ADAMTS14: variants seen among roughly 807,000 people sequenced by gnomAD.
ADAMTS14 encodes the protein ADAM metallopeptidase with thrombospondin type 1 motif 14, also known as A disintegrin and metalloproteinase with thrombospondin motifs 14.
ADAMTS14 carries 100 observed loss-of-function variants against 128.6 expected under a neutral mutation model. The observed-to-expected ratio is 0.78, with a 90% CI of 0.66 to 0.92. The LOEUF (loss-of-function observed/expected upper bound fraction) is 0.92. Ranked by LOEUF, ADAMTS14 falls within the 40% of genes least tolerant of loss-of-function variation. The probability of loss-of-function intolerance (pLI) is 0.00; values close to 1 mark genes in which losing one functional copy is unlikely to be tolerated. For synonymous variants in ADAMTS14, 665 were observed against 653.8 expected (o/e 1.02, Z -0.26); for missense variants, 1,562 against 1,658.6 (o/e 0.94, Z 1.01).
At chr10:70,693,815 G>C (rs138444030) in intron 2 of ADAMTS14, among the ~76,000 whole-genome samples, 1 of 152,238 alleles carries the variant, frequency 6.6e-6, no homozygotes, top group Non-Finnish European at 1.5e-5. Flanking sequence ...TGGCCGAGTG[G>C]TCATCCCAGA....
Position 70,750,007 on chromosome 10 carries a change from G to A in ADAMTS14, c.2427+22G>A, listed in dbSNP as rs368537735. 6.2e-6 allele frequency: 10 copies of A among 1,609,654 alleles called. No homozygotes were observed. In the African/African-American group the frequency reaches 1.1e-4, roughly 17 times the overall value. On this transcript the variant is annotated intron_variant, in intron 16 of 21. Transcript: ENST00000373207. Reference sequence around the variant, plus strand: ...CCTGGTGAGCCCCACTCTGTGCGGTGGCAACCCCTGCCCACCCCACTTGTC... The same window carrying A: ...CCTGGTGAGCCCCACTCTGTGCGGTAGCAACCCCTGCCCACCCCACTTGTC...
intron 7 of ADAMTS14, among the ~76,000 whole-genome samples, chr10:70,733,105 C>T (rs1254537915): frequency 2.0e-5 from 3 of 152,170 alleles, no homozygotes; most frequent in Non-Finnish European, 2.9e-5. Context: ...AGCTCTGCTC[C>T]TCCAGGCAGG....
chr10:70,750,594 T>A (rs1388661929), intron 16 of ADAMTS14, among the ~76,000 whole-genome samples: 1 of 152,176 alleles, frequency 6.6e-6, no homozygotes, highest in Non-Finnish European at 1.5e-5. Flanking sequence ...CCTCACCAGC[T>A]GGGGGGCTCC....
In ADAMTS14 at chr10:70,683,547, C is replaced by T. The variant is rs1334457854; in HGVS notation, c.522+8552C>T. On this transcript the variant is annotated intron_variant, in intron 2 of 21. Coordinates refer to ENST00000373207, the MANE Select transcript of ADAMTS14 (RefSeq NM_080722.4). ...GAGTGTCTTGATCCCAGCCAAATTC[C>T]AGGAGGTGGGCAGCACAGGCTCTCC... Among the ~76,000 whole-genome samples, 3 of 152,206 alleles carry T rather than the reference C, an allele frequency of 2.0e-5. No homozygotes were observed. In the South Asian group the frequency reaches 6.2e-4, roughly 31 times the overall value.
chr10:70,682,567 AT>A (rs142634202), intron 2 of ADAMTS14, among the ~76,000 whole-genome samples: 6,562 of 152,294 alleles, frequency 0.043, 175 homozygotes, highest in East Asian at 0.085. Context: ...GGGGATCATA[AT>A]AGTAATCACT....
intron 2 of ADAMTS14, among the ~76,000 whole-genome samples, chr10:70,694,216 A>G (rs1360190074): frequency 2.0e-5 from 3 of 152,182 alleles, no homozygotes; most frequent in African/African-American, 7.2e-5. Flanking sequence ...TGTGTGCCAC[A>G]TGCGTGTCGT....
intron 5 of ADAMTS14, among the ~76,000 whole-genome samples, chr10:70,729,586 G>A (rs1480032393): frequency 6.6e-6 from 1 of 152,150 alleles, no homozygotes; most frequent in Non-Finnish European, 1.5e-5. Flanking sequence ...CTGAGAAACT[G>A]ACGATTCCAC....
chr10:70,756,174 A>G (rs1023684767), intron 19 of ADAMTS14, among the ~76,000 whole-genome samples: 2 of 152,232 alleles, frequency 1.3e-5, no homozygotes, highest in Non-Finnish European at 2.9e-5. Context: ...CTTAATGTTT[A>G]GAGGGACACA....
At chr10:70,685,658 A>G (rs1041438544) in intron 2 of ADAMTS14, among the ~76,000 whole-genome samples, 1 of 152,180 alleles carries the variant, frequency 6.6e-6, no homozygotes, top group Non-Finnish European at 1.5e-5. Context: ...CTCCCAGGCA[A>G]TGTTCCTCTC....
At chr10:70,714,307 C>A (rs539418165) in intron 4 of ADAMTS14, among the ~76,000 whole-genome samples, 5 of 152,312 alleles carry the variant, frequency 3.3e-5, no homozygotes, top group Admixed American at 3.3e-4. Context: ...TCCCCATAAC[C>A]CTGTGAGAGG....
intron 14 of ADAMTS14, among the ~76,000 whole-genome samples, chr10:70,744,885 G>C (rs1018616307): frequency 1.3e-5 from 2 of 152,070 alleles, no homozygotes; most frequent in Admixed American, 6.6e-5. Flanking sequence ...AGTAGCTTAA[G>C]GTGTGAGAAG....
chr10:70,711,978 T>G (rs1479066880), intron 4 of ADAMTS14, among the ~76,000 whole-genome samples: 1 of 152,030 alleles, frequency 6.6e-6, no homozygotes, highest in African/African-American at 2.4e-5. Context: ...TGTGGACACT[T>G]CTTCCATCCC....
intron 3 of ADAMTS14, among the ~76,000 whole-genome samples, chr10:70,707,171 T>C (rs1840693895): frequency 6.6e-6 from 1 of 152,200 alleles, no homozygotes; most frequent in Non-Finnish European, 1.5e-5. Context: ...CAATTTCTTA[T>C]TTGTCCCCTC....
chr10:70,757,215 G>T (rs1842496940), intron 19 of ADAMTS14, among the ~76,000 whole-genome samples: 2 of 152,286 alleles, frequency 1.3e-5, no homozygotes, highest in East Asian at 3.9e-4. Context: ...GAGTGGGTCA[G>T]GTCCAGGGGA....
chr10:70,740,515 T>C (rs1005105486), intron 11 of ADAMTS14, among the ~76,000 whole-genome samples: 1 of 152,234 alleles, frequency 6.6e-6, no homozygotes, highest in Admixed American at 6.5e-5. Flanking sequence ...AGCCAGCTCT[T>C]CTGATTCCAA....
At chr10:70,734,064 A>G in intron 8 of ADAMTS14, 36 bp downstream of exon 8, 2 of 1,596,088 alleles carry the variant, frequency 1.3e-6, no homozygotes, top group Non-Finnish European at 1.7e-6. Context: ...GGGATAGGGG[A>G]GCATGCGACC....
chr10:70,707,310 T>G (rs894677627), intron 3 of ADAMTS14, among the ~76,000 whole-genome samples: 1 of 152,206 alleles, frequency 6.6e-6, no homozygotes, highest in African/African-American at 2.4e-5. Flanking sequence ...TGGTGGCCTC[T>G]TCACATCCTC....
At chr10:70,692,621 A>G (rs980402050) in intron 2 of ADAMTS14, among the ~76,000 whole-genome samples, 4 of 152,234 alleles carry the variant, frequency 2.6e-5, no homozygotes, top group Non-Finnish European at 4.4e-5. Context: ...GCCTTTTGAG[A>G]TAAGGACATC....
intron 1 of ADAMTS14, among the ~76,000 whole-genome samples, chr10:70,673,805 T>C (rs912055768): frequency 2.0e-5 from 3 of 152,114 alleles, no homozygotes; most frequent in African/African-American, 7.2e-5. Context: ...CTGGCTGGGC[T>C]CAAGGAGAGC....
Sources: allele counts gnomAD v4.1 joint callset (sites outside exome capture counted in the v4.1 genomes callset), GRCh38; gene constraint gnomAD v4.1.1; transcripts MANE v1.5; gene names NCBI Gene and HGNC (gene_info 2026-07-23, HGNC 2026-07-21).